The following NIPBL variants were observed in gnomAD, a reference collection of about 807,000 sequenced individuals.
NIPBL encodes the protein nipped-B-like protein.
In NIPBL, 19 loss-of-function variants were observed where a neutral mutation model predicts 321.8. That is an observed-to-expected ratio of 0.06 (90% CI 0.04 to 0.09). NIPBL has a LOEUF of 0.09. NIPBL is among the 10% of genes least tolerant of loss of function. The probability of loss-of-function intolerance (pLI) is 1.00; values close to 1 mark genes in which losing one functional copy is unlikely to be tolerated. For synonymous variants in NIPBL, 1,106 were observed against 1,114.1 expected (o/e 0.99, Z 0.14); for missense variants, 2,210 against 3,327.0 (o/e 0.66, Z 8.26).
intron 2 of NIPBL, chr5:36,955,081 ATTG>A (rs1442618506): frequency 2.7e-4 from 51 of 186,416 alleles, no homozygotes; most frequent in African/African-American, 1.0e-3. Context: ...AGAGTCAGAT[ATTG>A]TTATTTGTTT....
chr5:36,970,861 T>C lies in NIPBL; in HGVS notation c.611-15T>C, dbSNP rs771310479. Reference sequence around the variant, plus strand: ...AATCTTTTATTAAACCTTTTTTTATTCTTATTAATTTCAGCATCGGTATCA... The same window carrying C: ...AATCTTTTATTAAACCTTTTTTTATCCTTATTAATTTCAGCATCGGTATCA... On this transcript the variant is annotated splice_polypyrimidine_tract_variant and intron_variant, in intron 6 of 46. Transcript: ENST00000282516. 1 of 1,607,598 alleles carries C rather than the reference T, an allele frequency of 6.2e-7. No homozygotes were observed. The highest frequency in any genetic ancestry group is 2.2e-5 in the East Asian group (1 of 44,770).
At chr5:36,956,164 G>C (rs1740921587) in intron 3 of NIPBL, among the ~76,000 whole-genome samples, 1 of 151,954 alleles carries the variant, frequency 6.6e-6, no homozygotes, top group Admixed American at 6.6e-5. Context: ...CCGGGAGGCA[G>C]AGGTTGCAGT....
At chr5:36,955,789 A>G (rs369306613) in intron 3 of NIPBL, 152 bp downstream of exon 3, 1 of 652,886 alleles carries the variant, frequency 1.5e-6, no homozygotes. Flanking sequence ...TCTTATTGCA[A>G]TAATAGATTA....
At chr5:36,994,983 A>G (rs1020676012) in intron 10 of NIPBL, among the ~76,000 whole-genome samples, 2 of 152,096 alleles carry the variant, frequency 1.3e-5, no homozygotes, top group Non-Finnish European at 2.9e-5. Flanking sequence ...CCTGTGTTAC[A>G]TGTTTCTCTC....
chr5:36,978,521 T>C (rs1208623267), intron 9 of NIPBL, among the ~76,000 whole-genome samples: 7 of 152,042 alleles, frequency 4.6e-5, no homozygotes, highest in African/African-American at 1.7e-4. Flanking sequence ...GTAAATACTT[T>C]CTCTCATTCT....
chr5:36,917,493 T>C (rs1176758504), intron 1 of NIPBL, among the ~76,000 whole-genome samples: 2 of 152,158 alleles, frequency 1.3e-5, no homozygotes, highest in Non-Finnish European at 2.9e-5. Context: ...TTTAATTAGA[T>C]CCCATTTGTC....
At position 37,063,955 on chromosome 5, in the gene NIPBL, G is replaced by T; in HGVS notation, c.8026G>T (p.Asp2676Tyr). 6.2e-7 allele frequency: 1 copy of T among 1,614,028 alleles called. No individual in the cohort carries two copies. The highest frequency in any genetic ancestry group is 1.1e-5 in the South Asian group (1 of 91,036). ...ETEDDESDGE[D>Y]RGGGTSGSLR... ...AGAAGATGATGAAAGTGATGGGGAG[G>T]ATAGAGGAGGAGGCACTTCAGGGGT... The change falls in exon 46 of 47, where the codon GAT becomes TAT. Residue 2676 changes from aspartate to tyrosine, a missense_variant. By Grantham distance (160) the Asp-to-Tyr change is radical. Coordinates refer to ENST00000282516, the MANE Select transcript of NIPBL (RefSeq NM_133433.4).
At chr5:36,950,765 A>G (rs973054824) in intron 1 of NIPBL, among the ~76,000 whole-genome samples, 1 of 152,116 alleles carries the variant, frequency 6.6e-6, no homozygotes, top group African/African-American at 2.4e-5. Flanking sequence ...CAAGCAGTCC[A>G]AAACATTATT....
chr5:36,895,078 A>G (rs1296137330), intron 1 of NIPBL, among the ~76,000 whole-genome samples: 1 of 152,198 alleles, frequency 6.6e-6, no homozygotes, highest in Non-Finnish European at 1.5e-5. Context: ...AAAGTTATGC[A>G]TTCATCATTA....
chr5:36,925,322 G>A (rs2149564259), intron 1 of NIPBL, among the ~76,000 whole-genome samples: 1 of 148,456 alleles, frequency 6.7e-6, no homozygotes, highest in South Asian at 2.1e-4. Flanking sequence ...AGGCTGGTGT[G>A]CAATGGCGTG....
rs370422740 is a variant in NIPBL at position 37,008,664 on chromosome 5, A to G, written c.4362A>G (p.Glu1454=). The G allele has an allele frequency of 5.6e-6, 9 of 1,602,924 alleles. No individual in the cohort carries two copies. In the African/African-American group the frequency reaches 1.2e-4, roughly 21 times the overall value. The change falls in exon 20 of 47, where the codon GAA becomes GAG. Residue 1454 remains glutamate, a synonymous_variant. Transcript: ENST00000282516. ...AAAAACATAGGCAGTTAATTTTGGA[A>G]GAAATTTTTACTTCACTTGCAAGAT... is the stretch of plus-strand genomic sequence containing the variant. ...RYEKHRQLIL[E]EIFTSLARLP...
rs370593530 is a variant in NIPBL, at chr5:37,036,460, A to C, written c.5944A>C (p.Ile1982Leu). ...ACTTGTTGATAACCTAGTTGAGCACATTCTTAAATATGAGGAATCTCTAGC... is the reference window on the plus strand; with the variant it reads ...ACTTGTTGATAACCTAGTTGAGCACCTTCTTAAATATGAGGAATCTCTAGC... ...TQLVDNLVEH[I>L]LKYEESLADS... The change falls in exon 33 of 47, where the codon ATT becomes CTT. Residue 1982 changes from isoleucine (I) to leucine (L), a missense_variant. Physicochemically the swap from Ile to Leu is conservative, Grantham distance 5 (BLOSUM62 2). This residue lies in a region of NIPBL where 69 missense variants were observed against 100.8 expected (regional missense o/e 0.68). Transcript: ENST00000282516. 84 of 1,456,208 alleles carry C rather than the reference A, an allele frequency of 5.8e-5. No individual in the cohort carries two copies. The highest frequency in any genetic ancestry group is 7.3e-5 in the Non-Finnish European group (79 of 1,087,800). The allele number at this position is 1,456,208 out of a possible 1,614,324, so 90.2% of individuals were successfully genotyped here. A position where few individuals can be genotyped will look rare whatever the true frequency, so the allele number is the denominator to read the frequency against.
intron 42 of NIPBL, among the ~76,000 whole-genome samples, chr5:37,054,342 A>G (rs1180140878): frequency 1.3e-5 from 2 of 152,252 alleles, no homozygotes; most frequent in Non-Finnish European, 2.9e-5. Context: ...TTTATCATCA[A>G]CATTATCATC....
chr5:37,016,067 A>G lies in NIPBL; in HGVS notation c.4673A>G (p.Tyr1558Cys), dbSNP rs1447713911. 3 of 1,613,866 alleles carry G rather than the reference A, an allele frequency of 1.9e-6. No homozygotes were observed. Among genetic ancestry groups the G allele is most frequent in the African/African-American group, 1.3e-5 (1 of 74,916 alleles). ...GGTAGTAAGCAAGGTGAAGAAGATT[A>G]CAGACCACTGTTTGAAAATTTTGTT... ...KCGSKQGEEDYRPLFENFVQD... is the reference protein window; with the variant it reads ...KCGSKQGEEDCRPLFENFVQD... The change falls in exon 23 of 47, where the codon TAC (tyrosine) becomes TGC (cysteine). Residue 1558 changes from tyrosine to cysteine, a missense_variant. Around this residue, in one of 14 missense-constraint regions of NIPBL, gnomAD observed 28 missense variants for 91.3 expected, o/e 0.31. Transcript: ENST00000282516.
At chr5:36,999,802 G>GT (rs948483456) in intron 11 of NIPBL, among the ~76,000 whole-genome samples, 1 of 152,134 alleles carries the variant, frequency 6.6e-6, no homozygotes, top group Non-Finnish European at 1.5e-5. Flanking sequence ...AACTGTACAG[G>GT]TTTTTTCTGT....
chr5:37,064,349 C>CA (rs1755160188), intron 46 of NIPBL, 178 bp from the exon 47 acceptor site: 1 of 985,004 alleles, frequency 1.0e-6, no homozygotes, highest in Non-Finnish European at 1.2e-6. Flanking sequence ...TATGGTTTTA[C>CA]AAGTATATGT....
At chr5:36,959,235 AT>A (rs755490474) in intron 4 of NIPBL, among the ~76,000 whole-genome samples, 7 of 152,104 alleles carry the variant, frequency 4.6e-5, no homozygotes, top group African/African-American at 1.2e-4. Context: ...AAATAAAATA[AT>A]TTTGCCAAAT....
At chr5:36,968,803 T>G (rs532257754) in intron 6 of NIPBL, among the ~76,000 whole-genome samples, 1 of 152,306 alleles carries the variant, frequency 6.6e-6, no homozygotes, top group South Asian at 2.1e-4. Flanking sequence ...ATAATGACAT[T>G]TATTTAGTGG....
chr5:36,903,558 CTTAG>C (rs1349695646), intron 1 of NIPBL, among the ~76,000 whole-genome samples: 1 of 152,156 alleles, frequency 6.6e-6, no homozygotes, highest in Non-Finnish European at 1.5e-5. Context: ...TCTAACTCAT[CTTAG>C]TTATTGTCAG....
Sources: gnomAD v4.1 joint callset for allele counts (sites outside exome capture counted in the v4.1 genomes callset) on GRCh38, gnomAD v4.1.1 for gene constraint, gnomAD v4.1.1 regional missense constraint, MANE v1.5 for transcripts, NCBI Gene and HGNC (gene_info 2026-07-23, HGNC 2026-07-21) for gene names.